The following CLUL1 variants were observed in gnomAD, a reference collection of about 807,000 sequenced individuals.
CLUL1 encodes the protein clusterin like 1.
A neutral mutation model predicts 49.4 loss-of-function variants in CLUL1; 43 were observed. The ratio of observed to expected loss-of-function variants is 0.87; its 90% confidence interval spans 0.68 to 1.12. The LOEUF (loss-of-function observed/expected upper bound fraction) is 1.12. Among genes scored for constraint, CLUL1 ranks in the 50% most tolerant of loss-of-function variants. The pLI is 0.00. For missense variants in CLUL1, 486 were observed against 544.4 expected (o/e 0.89, Z 1.07); for synonymous variants, 192 against 184.9 (o/e 1.04, Z -0.31).
At chr18:604,929 C>G (rs1216197939) in intron 1 of CLUL1, among the ~76,000 whole-genome samples, 1 of 152,208 alleles carries the variant, frequency 6.6e-6, no homozygotes, top group Non-Finnish European at 1.5e-5. Context: ...TCCCCCAGTG[C>G]GTATGTGGGA....
At chr18:617,893 G>A in intron 2 of CLUL1, 95 bp from the exon 3 acceptor site, 2 of 993,932 alleles carry the variant, frequency 2.0e-6, no homozygotes, top group South Asian at 3.0e-5. Flanking sequence ...AAAATTGACA[G>A]AAAAATGCTT....
intron 2 of CLUL1, chr18:612,769 C>T (rs1247175717): frequency 6.6e-6 from 1 of 152,346 alleles, no homozygotes. Flanking sequence ...GTCCAGTTCC[C>T]TCCCTTTGGA....
chr18:649,703 T>C (rs1179391963), intron 9 of CLUL1, 195 bp from the exon 10 acceptor site: 6 of 502,470 alleles, frequency 1.2e-5, no homozygotes, highest in Non-Finnish European at 2.1e-5. Flanking sequence ...GCTGTGACGA[T>C]TTCTTCAAAT....
rs188223397 is a variant in CLUL1 at position 601,837 on chromosome 18, A to C, written c.-136+4708A>C. Among the ~76,000 whole-genome samples the C allele has an allele frequency of 3.7e-3, 566 of 152,216 alleles. 9 individuals carry two copies. The highest frequency in any genetic ancestry group is 2.0e-3 in the Non-Finnish European group (133 of 68,014). On this transcript the variant is annotated intron_variant, in intron 1 of 9. Coordinates refer to ENST00000692774, the MANE Select transcript of CLUL1 (RefSeq NM_001393344.1). ...AAATAAAAATAATAAAAAATAAATA[A>C]ATACATAAATAAATGAACACATAAA...
chr18:633,856 GAATGAATCAGGGTGGAGCGTGTAATCGA>G, intron 7 of CLUL1, among the ~76,000 whole-genome samples: 1 of 28,656 alleles, frequency 3.5e-5, no homozygotes, highest in African/African-American at 1.7e-4. Flanking sequence ...CGTGTAATCG[GAATGAATCAGGGTGGAGCGTGTAATCGA>G]AAAAGGTTGC....
At chr18:641,704 T>C (rs2074350070) in intron 8 of CLUL1, among the ~76,000 whole-genome samples, 163 bp downstream of exon 8, 1 of 152,254 alleles carries the variant, frequency 6.6e-6, no homozygotes, top group South Asian at 2.1e-4. Flanking sequence ...ACGTAGTTCA[T>C]GGTCTTTAGA....
chr18:642,150 G>T (rs2074360237), intron 8 of CLUL1, among the ~76,000 whole-genome samples: 1 of 152,204 alleles, frequency 6.6e-6, no homozygotes, highest in African/African-American at 2.4e-5. Flanking sequence ...TACATTGCCA[G>T]CTGGGCGCAG....
chr18:625,939 T>G (rs73943320), intron 5 of CLUL1, among the ~76,000 whole-genome samples: 3,548 of 152,242 alleles, frequency 0.023, 133 homozygotes, highest in African/African-American at 0.081. Context: ...TACACCAGAA[T>G]ATGGTGTAAT....
intron 2 of CLUL1, among the ~76,000 whole-genome samples, chr18:615,684 G>T (rs2073266082): frequency 6.6e-6 from 1 of 152,164 alleles, no homozygotes; most frequent in Admixed American, 6.5e-5. Flanking sequence ...CTGTTTATAG[G>T]TGTGGATTGT....
intron 2 of CLUL1, among the ~76,000 whole-genome samples, chr18:617,218 A>T (rs1442990160): frequency 6.6e-6 from 1 of 152,206 alleles, no homozygotes; most frequent in Non-Finnish European, 1.5e-5. Context: ...AAGGAGTATG[A>T]GAAAAATGTG....
At chr18:646,740 CCTT>C (rs984308943) in intron 9 of CLUL1, among the ~76,000 whole-genome samples, 7 of 151,468 alleles carry the variant, frequency 4.6e-5, no homozygotes, top group African/African-American at 1.7e-4. Flanking sequence ...CCCTTTCTTT[CCTT>C]TTTTCTTTCT....
chr18:648,452 C>A (rs564321317), intron 9 of CLUL1, among the ~76,000 whole-genome samples: 5 of 152,126 alleles, frequency 3.3e-5, no homozygotes, highest in Non-Finnish European at 7.4e-5. Context: ...CAAAAATTAT[C>A]CATAATCCCA....
At chr18:624,143 T>TG (rs1158057534) in intron 4 of CLUL1, among the ~76,000 whole-genome samples, 1 of 152,140 alleles carries the variant, frequency 6.6e-6, no homozygotes, top group Non-Finnish European at 1.5e-5. Flanking sequence ...GTGCCACTGC[T>TG]GCTGGGCTCC....
chr18:611,349 A>T (rs1413468699), intron 2 of CLUL1, among the ~76,000 whole-genome samples: 1 of 151,650 alleles, frequency 6.6e-6, no homozygotes, highest in African/African-American at 2.4e-5. Context: ...AATAAAGAAG[A>T]TCGAGAGGTT....
At chr18:640,503 T>C (rs2074314605) in intron 7 of CLUL1, among the ~76,000 whole-genome samples, 1 of 152,224 alleles carries the variant, frequency 6.6e-6, no homozygotes, top group African/African-American at 2.4e-5. Flanking sequence ...TTTTTCTTTT[T>C]TAACAATATA....
intron 4 of CLUL1, among the ~76,000 whole-genome samples, chr18:622,037 A>G (rs1299404603): frequency 1.3e-5 from 2 of 152,222 alleles, no homozygotes; most frequent in Non-Finnish European, 2.9e-5. Flanking sequence ...TTAATCGGAA[A>G]AAAAAAATCT....
intron 2 of CLUL1, among the ~76,000 whole-genome samples, chr18:609,340 C>T (rs1567956308): frequency 1.3e-5 from 2 of 152,150 alleles, no homozygotes; most frequent in African/African-American, 2.4e-5. Flanking sequence ...CACAAGAGCA[C>T]TTAGTAAAAA....
chr18:643,686 A>G (rs1326074630), intron 8 of CLUL1, among the ~76,000 whole-genome samples: 1 of 152,218 alleles, frequency 6.6e-6, no homozygotes, highest in Non-Finnish European at 1.5e-5. Flanking sequence ...ATAAAATAAA[A>G]TTATGGTTTT....
chr18:598,434 C>G (rs1598404905), intron 1 of CLUL1: 2 of 397,502 alleles, frequency 5.0e-6, no homozygotes, highest in Non-Finnish European at 8.9e-6. Context: ...AGTCTTCCTT[C>G]TTTCGACAGC....
Sources: gnomAD v4.1 joint callset for allele counts (sites outside exome capture counted in the v4.1 genomes callset) on GRCh38, gnomAD v4.1.1 for gene constraint, MANE v1.5 for transcripts, NCBI Gene and HGNC (gene_info 2026-07-23, HGNC 2026-07-21) for gene names.